SPRR5: variants seen among roughly 807,000 people sequenced by gnomAD.
SPRR5 encodes the protein small proline-rich protein 5.
At chr1:152,947,244 C>A (rs1332230031) in exon 1 of SPRR5, 1 of 152,278 alleles carries the variant, frequency 6.6e-6, no homozygotes, top group Non-Finnish European at 1.5e-5. Context: ...CGCTGGTGAA[C>A]CTTGGTAAGT....
chr1:152,949,228 A>G (rs1651150390), exon 2 of SPRR5: 1 of 152,042 alleles, frequency 6.6e-6, no homozygotes, highest in Non-Finnish European at 1.5e-5. Context: ...TCCTGTTTTC[A>G]AACAATTAAA....
chr1:152,947,465 G>A (rs534672844), intron 1 of SPRR5, among the ~76,000 whole-genome samples: 3 of 152,242 alleles, frequency 2.0e-5, no homozygotes, highest in South Asian at 2.1e-4. Context: ...AGAAGGAGGG[G>A]GGTATCTACA....
At chr1:152,948,708 C>T (rs1651129933) in exon 2 of SPRR5, 1 of 164,502 alleles carries the variant, frequency 6.1e-6, no homozygotes, top group Admixed American at 7.6e-5. Context: ...ACAATGCTGC[C>T]CCCCTCCCCA....
chr1:152,948,386 G>GCACA (rs3054120), intron 1 of SPRR5, among the ~76,000 whole-genome samples, 151 bp from the exon 2 acceptor site: 13,464 of 149,954 alleles, frequency 0.09, 1,987 homozygotes, highest in African/African-American at 0.3. Context: ...ATGCGCGCGC[G>GCACA]CACACACACA....
intron 1 of SPRR5, among the ~76,000 whole-genome samples, chr1:152,947,886 T>C (rs1651097478): frequency 6.6e-6 from 1 of 152,146 alleles, no homozygotes; most frequent in African/African-American, 2.4e-5. Flanking sequence ...CTTTAGAGAG[T>C]GGTTAAGATG....
chr1:152,948,824 G>A (rs898871140), exon 2 of SPRR5: 1 of 213,002 alleles, frequency 4.7e-6, no homozygotes, highest in Non-Finnish European at 8.6e-6. Flanking sequence ...AGTGCCAGGA[G>A]CCCTGTGCCC....
intron 1 of SPRR5, among the ~76,000 whole-genome samples, chr1:152,948,194 T>G (rs1392480360): frequency 6.6e-6 from 1 of 151,970 alleles, no homozygotes; most frequent in Non-Finnish European, 1.5e-5. Flanking sequence ...AACAGTCTGC[T>G]CTTTCATTCT....
At chr1:152,947,463 G>A (rs1570932521) in intron 1 of SPRR5, among the ~76,000 whole-genome samples, 1 of 152,134 alleles carries the variant, frequency 6.6e-6, no homozygotes, top group Non-Finnish European at 1.5e-5. Flanking sequence ...GGAGAAGGAG[G>A]GGGGTATCTA....
At chr1:152,947,845 T>G (rs1232841096) in intron 1 of SPRR5, among the ~76,000 whole-genome samples, 1 of 152,230 alleles carries the variant, frequency 6.6e-6, no homozygotes, top group Admixed American at 6.5e-5. Flanking sequence ...GTCCATTTCA[T>G]CTATCTCTAG....
intron 1 of SPRR5, among the ~76,000 whole-genome samples, chr1:152,947,669 A>G (rs1477396714): frequency 6.6e-6 from 1 of 152,190 alleles, no homozygotes; most frequent in African/African-American, 2.4e-5. Flanking sequence ...GTGGATGTCC[A>G]TGGAGCAAAG....
intron 1 of SPRR5, among the ~76,000 whole-genome samples, chr1:152,947,874 TC>T (rs1303170581): frequency 6.6e-6 from 1 of 152,220 alleles, no homozygotes; most frequent in Non-Finnish European, 1.5e-5. Flanking sequence ...CTTTATAAAC[TC>T]CTTTAGAGAG....
At chr1:152,948,840 T>C in exon 2 of SPRR5, 1 of 181,718 alleles carries the variant, frequency 5.5e-6, no homozygotes, top group Non-Finnish European at 1.0e-5. Context: ...TGCCCCCAAG[T>C]GCCCACCCCC....
intron 1 of SPRR5, among the ~76,000 whole-genome samples, chr1:152,948,251 T>A (rs956403484): frequency 1.3e-5 from 2 of 152,084 alleles, no homozygotes; most frequent in African/African-American, 2.4e-5. Flanking sequence ...TATGTTTTTC[T>A]TTCTTTTCAA....
At chr1:152,947,984 C>T (rs138876335) in intron 1 of SPRR5, among the ~76,000 whole-genome samples, 5 of 152,222 alleles carry the variant, frequency 3.3e-5, no homozygotes, top group African/African-American at 9.6e-5. Flanking sequence ...ATGTGTGTGT[C>T]GGTACATACA....
At chr1:152,948,008 A>G (rs932776683) in intron 1 of SPRR5, among the ~76,000 whole-genome samples, 1 of 152,310 alleles carries the variant, frequency 6.6e-6, no homozygotes, top group Non-Finnish European at 1.5e-5. Flanking sequence ...CTACGTATGC[A>G]TGCATATTTT....
At chr1:152,948,339 A>G (rs1192592953) in intron 1 of SPRR5, among the ~76,000 whole-genome samples, 198 bp from the exon 2 acceptor site, 1 of 151,316 alleles carries the variant, frequency 6.6e-6, no homozygotes, top group Non-Finnish European at 1.5e-5. Flanking sequence ...TGTCTTGAAA[A>G]GAGTTGAAAT....
At chr1:152,948,032 A>C (rs1438857758) in intron 1 of SPRR5, among the ~76,000 whole-genome samples, 1 of 152,120 alleles carries the variant, frequency 6.6e-6, no homozygotes, top group Non-Finnish European at 1.5e-5. Context: ...TATGTATTTT[A>C]TATACTCATT....
chr1:152,948,380 G>GCACACACACACACACA (rs201730344), intron 1 of SPRR5, among the ~76,000 whole-genome samples, 157 bp from the exon 2 acceptor site: 1 of 137,926 alleles, frequency 7.3e-6, no homozygotes, highest in African/African-American at 3.5e-5. Flanking sequence ...TTACACATGC[G>GCACACACACACACACA]CGCGCGCACA....
intron 1 of SPRR5, among the ~76,000 whole-genome samples, chr1:152,947,565 C>T (rs116304760): frequency 0.012 from 1,827 of 152,056 alleles, 52 homozygotes; most frequent in African/African-American, 0.043. Context: ...AGAGGAGAGA[C>T]CAGTTCTGGG....
Sources: allele counts gnomAD v4.1 joint callset (sites outside exome capture counted in the v4.1 genomes callset), GRCh38; gene constraint gnomAD v4.1.1; transcripts MANE v1.5; gene names NCBI Gene and HGNC (gene_info 2026-07-23, HGNC 2026-07-21).